Variants in IGSF21 observed in about 807,000 individuals in gnomAD.
IGSF21 encodes the protein immunoglobin superfamily member 21.
IGSF21 carries 28 observed loss-of-function variants against 46.8 expected under a neutral mutation model. That is an observed-to-expected ratio of 0.60 (90% CI 0.44 to 0.82). IGSF21 has a LOEUF of 0.82. IGSF21 is among the 40% of genes least tolerant of loss of function. IGSF21 has a pLI of 0.00. For synonymous variants in IGSF21, 284 were observed against 273.6 expected, an observed-to-expected ratio of 1.04 and a Z score of -0.38; for missense variants, 624 against 665.5, an observed-to-expected ratio of 0.94 and a Z score of 0.69.
At chr1:18,250,084 CCACTCCCTCCCTCGCT>C (rs1199197131) in intron 2 of IGSF21, among the ~76,000 whole-genome samples, 5 of 64,086 alleles carry the variant, frequency 7.8e-5, no homozygotes, top group East Asian at 8.6e-4. Context: ...CTTCCATCCC[CCACTCCCTCCCTCGCT>C]CCCTCCCTCC....
intron 1 of IGSF21, among the ~76,000 whole-genome samples, chr1:18,173,113 C>T (rs891917465): frequency 6.6e-6 from 1 of 152,204 alleles, no homozygotes; most frequent in African/African-American, 2.4e-5. Context: ...ATGGTGAAAC[C>T]CCATCTCTAC....
chr1:18,377,459 C>T, intron 9 of IGSF21, 28 bp downstream of exon 9: 2 of 1,600,414 alleles, frequency 1.2e-6, no homozygotes, highest in Non-Finnish European at 1.7e-6. Flanking sequence ...GGATTTTTTG[C>T]TTAAAAGGGA....
chr1:18,204,923 T>C (rs1223735506), intron 1 of IGSF21, among the ~76,000 whole-genome samples: 2 of 152,242 alleles, frequency 1.3e-5, no homozygotes, highest in African/African-American at 2.4e-5. Flanking sequence ...AGTTCAGGTG[T>C]TCAAAACTCC....
At chr1:18,182,845 G>C (rs1157753465) in intron 1 of IGSF21, among the ~76,000 whole-genome samples, 1 of 152,210 alleles carries the variant, frequency 6.6e-6, no homozygotes, top group Non-Finnish European at 1.5e-5. Flanking sequence ...GAAATTGCCT[G>C]TAGATTCCAT....
chr1:18,214,703 C>A (rs1052042852), intron 1 of IGSF21, among the ~76,000 whole-genome samples: 1 of 152,064 alleles, frequency 6.6e-6, no homozygotes, highest in Non-Finnish European at 1.5e-5. Context: ...AGAGAGAAAG[C>A]GGGAGAGAAA....
chr1:18,377,177 C>T (rs1304823033), intron 8 of IGSF21, among the ~76,000 whole-genome samples, 185 bp downstream of exon 8: 6 of 152,290 alleles, frequency 3.9e-5, no homozygotes, highest in South Asian at 4.1e-4. Flanking sequence ...AAATCAGCTT[C>T]GGACTCAGAA....
chr1:18,122,193 C>CTTTCTTTT (rs1557546170), intron 1 of IGSF21, among the ~76,000 whole-genome samples: 1 of 78,762 alleles, frequency 1.3e-5, no homozygotes, highest in Non-Finnish European at 2.4e-5. Flanking sequence ...TTCTTTCTTT[C>CTTTCTTTT]TTTTTTTTTT....
intron 1 of IGSF21, among the ~76,000 whole-genome samples, chr1:18,219,244 G>A (rs2084483137): frequency 6.6e-6 from 1 of 152,210 alleles, no homozygotes; most frequent in Non-Finnish European, 1.5e-5. Context: ...CTCCAAAGTG[G>A]TGACATTTGA....
chr1:18,108,898 A>T (rs1177505819), intron 1 of IGSF21, among the ~76,000 whole-genome samples: 1 of 146,528 alleles, frequency 6.8e-6, no homozygotes, highest in African/African-American at 2.6e-5. Context: ...TGGGGCTGGG[A>T]GTGTGTGTAT....
intron 2 of IGSF21, among the ~76,000 whole-genome samples, chr1:18,267,619 G>A (rs1416562165): frequency 6.6e-6 from 1 of 152,232 alleles, no homozygotes; most frequent in African/African-American, 2.4e-5. Flanking sequence ...GGAGGAAGCG[G>A]GAGAAGAGGG....
At chr1:18,179,251 G>A (rs1422061449) in intron 1 of IGSF21, 5 of 152,104 alleles carry the variant, frequency 3.3e-5, no homozygotes, top group African/African-American at 4.8e-5. Context: ...ACAGGTGCTC[G>A]TTTGAGCTCC....
At chr1:18,143,387 G>A (rs186483627) in intron 1 of IGSF21, among the ~76,000 whole-genome samples, 1 of 152,114 alleles carries the variant, frequency 6.6e-6, no homozygotes, top group Admixed American at 6.5e-5. Flanking sequence ...CCTCTAGACA[G>A]TCCCGCTGAG....
chr1:18,366,915 G>A lies in IGSF21; in HGVS notation c.1015+1218G>A, dbSNP rs6676493. Reference sequence around the variant, plus strand: ...GGGAAAGGGGAGATGTGGAATCTTCGTTGCTGAAAATATACAAGACTCATC... The same window carrying A: ...GGGAAAGGGGAGATGTGGAATCTTCATTGCTGAAAATATACAAGACTCATC... On this transcript the variant is annotated intron_variant, in intron 6 of 9. Transcript: ENST00000251296. 2.8e-3 allele frequency among the ~76,000 whole-genome samples: 427 copies of A among 152,254 alleles called. 5 individuals carry two copies. The highest frequency in any genetic ancestry group is 8.4e-3 in the African/African-American group (348 of 41,550).
intron 2 of IGSF21, among the ~76,000 whole-genome samples, chr1:18,287,403 AAACAAACAAACAAAAC>A (rs1276002849): frequency 6.6e-6 from 1 of 151,966 alleles, no homozygotes; most frequent in African/African-American, 2.4e-5. Flanking sequence ...TCAAACAAAC[AAACAAACAAACAAAAC>A]AAAAAAAAAA....
In IGSF21 at chr1:18,365,688, G is replaced by A. The variant is rs2086157620; in HGVS notation, c.1006G>A (p.Val336Ile). 2 of 1,611,188 alleles carry A rather than the reference G, an allele frequency of 1.2e-6. No homozygotes were observed. Among genetic ancestry groups the A allele is most frequent in the South Asian group, 1.1e-5 (1 of 90,690 alleles). ...PALSMPMQAE[V>I]TLVAPKGPKI... ...TCTGTCGATGCCCATGCAGGCAGAG[G>A]TCACGCTGGGTAAGACTTGGTGGGG... The change falls in exon 6 of 10, where the codon GTC (valine) becomes ATC (isoleucine). Residue 336 changes from valine (V) to isoleucine (I), a missense_variant. Coordinates refer to ENST00000251296, the MANE Select transcript of IGSF21 (RefSeq NM_032880.5). This position sits in a 1 kb window ranked among gnomAD's most constrained non-coding sequence, Gnocchi z 4.8.
At chr1:18,129,678 C>T (rs1166930529) in intron 1 of IGSF21, among the ~76,000 whole-genome samples, 2 of 152,160 alleles carry the variant, frequency 1.3e-5, no homozygotes, top group East Asian at 1.9e-4. Context: ...CCCAGCAACC[C>T]CTCATGGTAG....
At chr1:18,344,293 C>G (rs2085871409) in intron 4 of IGSF21, among the ~76,000 whole-genome samples, 1 of 152,176 alleles carries the variant, frequency 6.6e-6, no homozygotes, top group African/African-American at 2.4e-5. Flanking sequence ...CTCAGCCTCC[C>G]TAGTAGCTGG....
chr1:18,121,645 A>G (rs1262366197), intron 1 of IGSF21, among the ~76,000 whole-genome samples: 2 of 152,150 alleles, frequency 1.3e-5, no homozygotes, highest in African/African-American at 4.8e-5. Flanking sequence ...CGGATCTGCC[A>G]TCCTCCACCA....
chr1:18,130,473 C>G (rs1347855557), intron 1 of IGSF21, among the ~76,000 whole-genome samples: 1 of 152,204 alleles, frequency 6.6e-6, no homozygotes, highest in African/African-American at 2.4e-5. Flanking sequence ...CTAGCTAGAA[C>G]ATTCTCTGAT....
Sources: allele counts gnomAD v4.1 joint callset (sites outside exome capture counted in the v4.1 genomes callset), GRCh38; gene constraint gnomAD v4.1.1; non-coding constraint Gnocchi (gnomAD v3.1); transcripts MANE v1.5; gene names NCBI Gene and HGNC (gene_info 2026-07-23, HGNC 2026-07-21).